The following OR10C1 variants were observed in gnomAD, a reference collection of about 807,000 sequenced individuals.
OR10C1 encodes the protein olfactory receptor family 10 subfamily C member 1, also known as olfactory receptor 10C1.
For missense variants in OR10C1, 388 were observed against 392.1 expected, an observed-to-expected ratio of 0.99 and a Z score of 0.09; for synonymous variants, 183 against 174.4, an observed-to-expected ratio of 1.05 and a Z score of -0.39.
Position 29,440,271 on chromosome 6 carries a change from A to C in OR10C1, c.256A>C (p.Thr86Pro). Residue 86 changes from threonine (T) to proline (P), a missense_variant, in exon 1 of 1, where the codon ACT becomes CCT. Physicochemically the swap from Thr to Pro is conservative, Grantham distance 38 (BLOSUM62 -1). Coordinates refer to ENST00000444197, the MANE Select transcript of OR10C1 (RefSeq NM_013941.4). Reference sequence around the variant, plus strand: ...CCCCCTGCTACTTCACCACCTCCTTACTGGCCGGCGCCACATCTCTCGCTC... The same window carrying C: ...CCCCCTGCTACTTCACCACCTCCTTCCTGGCCGGCGCCACATCTCTCGCTC... ...TVPLLLHHLL[T>P]GRRHISRSGC... The C allele has an allele frequency of 6.2e-7, 1 of 1,613,730 alleles. No homozygotes were observed. The highest frequency in any genetic ancestry group is 8.5e-7 in the Non-Finnish European group (1 of 1,179,960).
chr6:29,440,086 G>A lies in OR10C1; in HGVS notation c.71G>A (p.Gly24Asp), dbSNP rs903057923. ...LGFSHLADLQ[G>D]LLFSVFLTIY... Reference sequence around the variant, plus strand: ...TTCTCCCACCTGGCCGACCTCCAGGGCTTGCTCTTCTCTGTCTTTCTCACT... The same window carrying A: ...TTCTCCCACCTGGCCGACCTCCAGGACTTGCTCTTCTCTGTCTTTCTCACT... Residue 24 changes from glycine to aspartate, a missense_variant, in exon 1 of 1, where the codon GGC becomes GAC. Transcript: ENST00000444197. 1.9e-6 allele frequency: 3 copies of A among 1,613,074 alleles called. No homozygotes were observed. Among genetic ancestry groups the A allele is most frequent in the African/African-American group, 1.3e-5 (1 of 74,894 alleles).
At position 29,440,889 on chromosome 6, in the gene OR10C1, C is replaced by A. The variant is rs1784122719; in HGVS notation, c.874C>A (p.Arg292=). The A allele has an allele frequency of 6.2e-7, 1 of 1,613,686 alleles. No homozygotes were observed. Among genetic ancestry groups the A allele is most frequent in the Non-Finnish European group, 8.5e-7 (1 of 1,179,944 alleles). Residue 292 remains arginine, a synonymous_variant, in exon 1 of 1, where the codon CGG becomes AGG. Transcript: ENST00000444197. ...PILNPIIYSL[R]NTEVKAALKR... Reference sequence around the variant, plus strand: ...CCTCAACCCCATCATCTACAGCCTGCGGAACACAGAGGTCAAAGCTGCCCT... The same window carrying A: ...CCTCAACCCCATCATCTACAGCCTGAGGAACACAGAGGTCAAAGCTGCCCT...
At position 29,439,407 on chromosome 6, in the gene OR10C1, A is replaced by G. The variant is rs1422413639; in HGVS notation, c.-609A>G. Reference sequence around the variant, plus strand: ...CTAAATAGTTGAACTGTTTAATGCTATAGGAGCTTAAAAAGAGAGGATCTT... The same window carrying G: ...CTAAATAGTTGAACTGTTTAATGCTGTAGGAGCTTAAAAAGAGAGGATCTT... On this transcript the variant is annotated 5_prime_UTR_variant, in exon 1 of 1. Transcript: ENST00000444197. The G allele has an allele frequency of 6.6e-6, 1 of 152,360 alleles. No individual in the cohort carries two copies. Among genetic ancestry groups the G allele is most frequent in the Non-Finnish European group, 1.5e-5 (1 of 68,140 alleles). The allele number at this position is 152,360 out of a possible 1,614,324, so 9.4% of individuals were successfully genotyped here.
In OR10C1 at chr6:29,440,850, G is replaced by A. The variant is rs1453650737; in HGVS notation, c.835G>A (p.Val279Met). 14 of 1,613,714 alleles carry A rather than the reference G, an allele frequency of 8.7e-6. No individual in the cohort carries two copies. The highest frequency in any genetic ancestry group is 1.2e-5 in the Non-Finnish European group (14 of 1,179,834). The change falls in exon 1 of 1, where the codon GTG becomes ATG. Residue 279 changes from valine to methionine, a missense_variant. Physicochemically the swap from Val to Met is conservative, Grantham distance 21. Transcript: ENST00000444197. ...TDPLVSLFYAVVTPILNPIIY... is the reference protein window; with the variant it reads ...TDPLVSLFYAMVTPILNPIIY... ...CCCTCTGGTGTCCCTCTTCTATGCT[G>A]TGGTCACCCCCATCCTCAACCCCAT...
At position 29,440,406 on chromosome 6, in the gene OR10C1, T is replaced by C; in HGVS notation, c.391T>C (p.Tyr131His). Residue 131 changes from tyrosine to histidine, a missense_variant, in exon 1 of 1, where the codon TAC (tyrosine) becomes CAC (histidine). By Grantham distance (83) the Tyr-to-His change is moderately conservative (BLOSUM62 2). Coordinates refer to ENST00000444197, the MANE Select transcript of OR10C1 (RefSeq NM_013941.4). ...TGCAGCCATCTGTGAACCCCTCCGC[T>C]ACCCACTGCTGCTGAGCCACCGGGT... is the stretch of plus-strand genomic sequence containing the variant. Reference protein sequence around the residue: ...RYAAICEPLRYPLLLSHRVCL... With the variant: ...RYAAICEPLRHPLLLSHRVCL... 1 of 1,614,064 alleles carries C rather than the reference T, an allele frequency of 6.2e-7. No homozygotes were observed. The highest frequency in any genetic ancestry group is 8.5e-7 in the Non-Finnish European group (1 of 1,179,996).
rs751281587 is a variant in OR10C1, at chr6:29,440,716, G to A, written c.701G>A (p.Arg234His). Residue 234 changes from arginine to histidine, a missense_variant, in exon 1 of 1, where the codon CGC becomes CAC. Physicochemically the swap from Arg to His is conservative, Grantham distance 29. Coordinates refer to ENST00000444197, the MANE Select transcript of OR10C1 (RefSeq NM_013941.4). ...IFRIPSVAGR[R>H]KAFSTCSSHL... ...CGGATCCCATCTGTTGCGGGCCGCC[G>A]CAAGGCCTTCTCCACCTGCTCCTCC... 1.6e-5 allele frequency: 26 copies of A among 1,613,958 alleles called. No individual in the cohort carries two copies. Among genetic ancestry groups the A allele is most frequent in the Non-Finnish European group, 2.2e-5 (26 of 1,179,856 alleles).
Position 29,439,867 on chromosome 6 carries a change from T to C in OR10C1, c.-149T>C, listed in dbSNP as rs1488233958. ...ATGGACTCCAGGCAAGGCTGCCTAA[T>C]TTCAAAGTCCATGATATTCTAATAG... On this transcript the variant is annotated 5_prime_UTR_variant, in exon 1 of 1. Transcript: ENST00000444197. The C allele has an allele frequency of 3.1e-5, 20 of 647,224 alleles. No individual in the cohort carries two copies. The highest frequency in any genetic ancestry group is 4.5e-5 in the Non-Finnish European group (17 of 376,840). The allele number at this position is 647,224 out of a possible 1,614,324, so 40.1% of individuals were successfully genotyped here.
In OR10C1 at chr6:29,440,069, C is replaced by T. The variant is rs750791489; in HGVS notation, c.54C>T (p.His18=). The T allele has an allele frequency of 1.9e-6, 3 of 1,613,200 alleles. No individual in the cohort carries two copies. The highest frequency in any genetic ancestry group is 2.5e-6 in the Non-Finnish European group (3 of 1,180,034). The change falls in exon 1 of 1, where the codon CAC becomes CAT. Residue 18 remains histidine (H), a synonymous_variant. Coordinates refer to ENST00000444197, the MANE Select transcript of OR10C1 (RefSeq NM_013941.4). The part of the protein sequence containing the change: ...VTEFLLLGFS[H]LADLQGLLFS... ...AGTTTCTTCTTCTCGGCTTCTCCCA[C>T]CTGGCCGACCTCCAGGGCTTGCTCT... is the stretch of plus-strand genomic sequence containing the variant.
chr6:29,440,615 G>A lies in OR10C1; in HGVS notation c.600G>A (p.Leu200=). 2 of 1,613,984 alleles carry A rather than the reference G, an allele frequency of 1.2e-6. No homozygotes were observed. The highest frequency in any genetic ancestry group is 1.7e-6 in the Non-Finnish European group (2 of 1,179,996). Residue 200 remains leucine (L), a synonymous_variant, in exon 1 of 1, where the codon CTG becomes CTA. Transcript: ENST00000444197. ...CGCTTAATGAACTGCAGATTATCCTGGCAACAGCCCTCCTCATCCTCTGCC... is the reference window on the plus strand; with the variant it reads ...CGCTTAATGAACTGCAGATTATCCTAGCAACAGCCCTCCTCATCCTCTGCC... The part of the protein sequence containing the change: ...DTSLNELQII[L]ATALLILCPF...
Position 29,440,041 on chromosome 6 carries a change from C to G in OR10C1, c.26C>G (p.Thr9Ser). 6.2e-7 allele frequency: 1 copy of G among 1,613,060 alleles called. No homozygotes were observed. Among genetic ancestry groups the G allele is most frequent in the South Asian group, 1.1e-5 (1 of 91,062 alleles). The change falls in exon 1 of 1, where the codon ACT (threonine) becomes AGT (serine). Residue 9 changes from threonine (T) to serine (S), a missense_variant. Thr to Ser is a moderately conservative substitution (Grantham distance 58, BLOSUM62 1). Transcript: ENST00000444197. ...ATGAGTGCAAACACCTCCATGGTGA[C>G]TGAGTTTCTTCTTCTCGGCTTCTCC... MSANTSMV[T>S]EFLLLGFSHL...
rs1352722692 is a variant in OR10C1, at chr6:29,440,745, C to G, written c.730C>G (p.Leu244Val). ...RKAFSTCSSH[L>V]IMVSLFYGTA... ...GGCCTTCTCCACCTGCTCCTCCCAC[C>G]TGATCATGGTCTCCCTCTTCTATGG... The change falls in exon 1 of 1, where the codon CTG becomes GTG. Residue 244 changes from leucine to valine, a missense_variant. By Grantham distance (32) the Leu-to-Val change is conservative. Transcript: ENST00000444197. 6.2e-7 allele frequency: 1 copy of G among 1,614,022 alleles called. No homozygotes were observed. The highest frequency in any genetic ancestry group is 1.1e-5 in the South Asian group (1 of 91,078).
Position 29,440,876 on chromosome 6 carries a change from C to T in OR10C1, c.861C>T (p.Ile287=), listed in dbSNP as rs1784120530. Residue 287 remains isoleucine, a synonymous_variant, in exon 1 of 1, where the codon ATC becomes ATT. Transcript: ENST00000444197. ...TGGTCACCCCCATCCTCAACCCCAT[C>T]ATCTACAGCCTGCGGAACACAGAGG... ...YAVVTPILNP[I]IYSLRNTEVK... 5 of 1,613,762 alleles carry T rather than the reference C, an allele frequency of 3.1e-6. No individual in the cohort carries two copies. The highest frequency in any genetic ancestry group is 1.3e-5 in the African/African-American group (1 of 74,908).
rs773828591 is a variant in OR10C1 at position 29,440,248 on chromosome 6, C to T, written c.233C>T (p.Pro78Leu). The T allele has an allele frequency of 6.2e-7, 1 of 1,613,904 alleles. No individual in the cohort carries two copies. Among genetic ancestry groups the T allele is most frequent in the African/African-American group, 1.3e-5 (1 of 74,918 alleles). The change falls in exon 1 of 1, where the codon CCC (proline) becomes CTC (leucine). Residue 78 changes from proline to leucine, a missense_variant. Coordinates refer to ENST00000444197, the MANE Select transcript of OR10C1 (RefSeq NM_013941.4). ...ATTGGCTATACGTCTGTCACGGTCCCCCTGCTACTTCACCACCTCCTTACT... is the reference window on the plus strand; with the variant it reads ...ATTGGCTATACGTCTGTCACGGTCCTCCTGCTACTTCACCACCTCCTTACT... ...LEIGYTSVTV[P>L]LLLHHLLTGR... is the part of the protein sequence containing the mutation.
rs904214490 is a variant in OR10C1, at chr6:29,440,852, G to T, written c.837G>T (p.Val279=). Residue 279 remains valine (V), a synonymous_variant, in exon 1 of 1, where the codon GTG becomes GTT. Transcript: ENST00000444197. ...TDPLVSLFYA[V]VTPILNPIIY... ...CTCTGGTGTCCCTCTTCTATGCTGT[G>T]GTCACCCCCATCCTCAACCCCATCA... is the stretch of plus-strand genomic sequence containing the variant. 1.4e-5 allele frequency: 23 copies of T among 1,613,732 alleles called. No homozygotes were observed. The highest frequency in any genetic ancestry group is 1.8e-5 in the Non-Finnish European group (21 of 1,179,892).
rs758713848 is a variant in OR10C1 at position 29,440,919 on chromosome 6, A to G, written c.904A>G (p.Arg302Gly). Residue 302 changes from arginine to glycine, a missense_variant, in exon 1 of 1, where the codon AGA (arginine) becomes GGA (glycine). Physicochemically the swap from Arg to Gly is moderately radical, Grantham distance 125. Transcript: ENST00000444197. ...RNTEVKAALKRTIQKTVPMEI is the reference protein window; with the variant it reads ...RNTEVKAALKGTIQKTVPMEI ...CACAGAGGTCAAAGCTGCCCTAAAG[A>G]GAACCATCCAGAAAACGGTGCCTAT... 6.8e-6 allele frequency: 11 copies of G among 1,612,688 alleles called. No individual in the cohort carries two copies. Among genetic ancestry groups the G allele is most frequent in the Non-Finnish European group, 9.3e-6 (11 of 1,179,850 alleles).
rs10946991 is a variant in OR10C1 at position 29,440,777 on chromosome 6, A to T, written c.762A>T (p.Ala254=). The change falls in exon 1 of 1, where the codon GCA becomes GCT. Residue 254 remains alanine, a synonymous_variant. Transcript: ENST00000444197. ...LIMVSLFYGT[A]LFIYIRPKAS... ...TGGTCTCCCTCTTCTATGGCACCGC[A>T]CTCTTTATCTATATTCGCCCTAAGG... 1.9e-6 allele frequency: 3 copies of T among 1,613,596 alleles called. No homozygotes were observed. The highest frequency in any genetic ancestry group is 1.3e-5 in the African/African-American group (1 of 74,894).
rs775002847 is a variant in OR10C1 at position 29,440,094 on chromosome 6, TTC to T, written c.83_84del (p.Ser28CysfsTer23). On this transcript the variant is annotated frameshift_variant, in exon 1 of 1. Transcript: ENST00000444197. LOFTEE classifies it low-confidence loss of function (END_TRUNC). ...SHLADLQGLL[F>X]SVFLTIYLLT... is the part of the protein sequence containing the mutation. ...CCTGGCCGACCTCCAGGGCTTGCTC[TTC>T]TCTGTCTTTCTCACTATCTACCTGC... is the stretch of plus-strand genomic sequence containing the variant. 6.2e-7 allele frequency: 1 copy of T among 1,613,300 alleles called. No homozygotes were observed.
At position 29,439,940 on chromosome 6, in the gene OR10C1, G is replaced by T; in HGVS notation, c.-76G>T. The T allele has an allele frequency of 9.1e-7, 1 of 1,102,240 alleles. No homozygotes were observed. The highest frequency in any genetic ancestry group is 1.3e-6 in the Non-Finnish European group (1 of 741,690). 68.3% of individuals were successfully genotyped at this position (1,102,240 alleles called of 1,614,324 possible). A position where few individuals can be genotyped will look rare whatever the true frequency, so the allele number is the denominator to read the frequency against. The stretch of plus-strand genomic sequence containing the variant: ...TCAGATGCAGAGAGAGGTCATCTTT[G>T]CCCATTTCACGATTCCATAGTTGTG... On this transcript the variant is annotated 5_prime_UTR_variant, in exon 1 of 1. Coordinates refer to ENST00000444197, the MANE Select transcript of OR10C1 (RefSeq NM_013941.4).
At position 29,439,467 on chromosome 6, in the gene OR10C1, A is replaced by AT. The variant is rs1783915942; in HGVS notation, c.-546dup. 1.3e-5 allele frequency: 2 copies of AT among 153,052 alleles called. No homozygotes were observed. Among genetic ancestry groups the AT allele is most frequent in the Non-Finnish European group, 2.9e-5 (2 of 68,700 alleles). The allele number at this position is 153,052 out of a possible 1,614,324, so 9.5% of individuals were successfully genotyped here. On this transcript the variant is annotated 5_prime_UTR_variant, in exon 1 of 1. Coordinates refer to ENST00000444197, the MANE Select transcript of OR10C1 (RefSeq NM_013941.4). ...TTTTCTCCTCCTTGAACACTGTGAA[A>AT]TTTATGGTAAAATGACAGAAAAAGA... is the stretch of plus-strand genomic sequence containing the variant.
Sources: allele counts gnomAD v4.1 joint callset, GRCh38; gene constraint gnomAD v4.1.1; transcripts MANE v1.5; gene names NCBI Gene and HGNC (gene_info 2026-07-23, HGNC 2026-07-21).